Variants in SYT1 observed in about 807,000 individuals in gnomAD.
The protein encoded by SYT1 is synaptotagmin-1.
A neutral mutation model predicts 44.8 loss-of-function variants in SYT1; 8 were observed. The ratio of observed to expected loss-of-function variants is 0.18; its 90% CI spans 0.10 to 0.32. The LOEUF is 0.32. Ranked by LOEUF, SYT1 falls within the 10% of genes least tolerant of loss-of-function variation. The probability of loss-of-function intolerance (pLI) is 1.00; values close to 1 mark genes in which losing one functional copy is unlikely to be tolerated. For synonymous variants in SYT1, 154 were observed against 188.8 expected (o/e 0.82, Z 1.51); for missense variants, 286 against 509.3 (o/e 0.56, Z 4.22).
intron 3 of SYT1, among the ~76,000 whole-genome samples, chr12:79,154,785 G>A (rs950915553): frequency 6.6e-6 from 1 of 152,090 alleles, no homozygotes; most frequent in African/African-American, 2.4e-5. Context: ...AGTTTAGAGG[G>A]AAAAGCATAT....
At chr12:79,002,195 T>G (rs11835293) in intron 2 of SYT1, among the ~76,000 whole-genome samples, 24,405 of 152,048 alleles carry the variant, frequency 0.16, 2,330 homozygotes, top group African/African-American at 0.27. Context: ...TCCTTTGCTG[T>G]TTAAAAAAAT....
chr12:79,360,602 T>G (rs1233508738), intron 9 of SYT1, among the ~76,000 whole-genome samples: 1 of 152,188 alleles, frequency 6.6e-6, no homozygotes, highest in Non-Finnish European at 1.5e-5. Context: ...TTGGCCATGA[T>G]ATCAGGGTCA....
At chr12:79,041,714 G>A (rs1208226621) in intron 2 of SYT1, among the ~76,000 whole-genome samples, 1 of 151,396 alleles carries the variant, frequency 6.6e-6, no homozygotes, top group Non-Finnish European at 1.5e-5. Context: ...GTTTTCAAAG[G>A]GAATGCTTCC....
rs530562872 is a variant in SYT1, at chr12:79,411,166, C to A, written c.929-32907C>A. Among the ~76,000 whole-genome samples the A allele has an allele frequency of 7.9e-5, 12 of 152,320 alleles. No homozygotes were observed. The East Asian group carries it at 1.2e-3, about 15-fold the overall frequency. Reference sequence around the variant, plus strand: ...TGGGGTCTTCATCTATCACAAGGAACCTAAGCTGCCGTCTTTCTCTTCTGC... The same window carrying A: ...TGGGGTCTTCATCTATCACAAGGAAACTAAGCTGCCGTCTTTCTCTTCTGC... On this transcript the variant is annotated intron_variant, in intron 9 of 10. Transcript: ENST00000261205.
chr12:78,904,148 A>C (rs1390217138), intron 1 of SYT1, among the ~76,000 whole-genome samples: 1 of 152,176 alleles, frequency 6.6e-6, no homozygotes, highest in East Asian at 1.9e-4. Flanking sequence ...GAAATGTTAC[A>C]ATTTAAAAAA....
chr12:78,903,458 T>C (rs529095037), intron 1 of SYT1, among the ~76,000 whole-genome samples: 36 of 152,032 alleles, frequency 2.4e-4, no homozygotes, highest in African/African-American at 8.2e-4. Context: ...AGCTAATTTT[T>C]GTAATTTTAG....
At chr12:79,225,450 A>G (rs182622263) in intron 4 of SYT1, among the ~76,000 whole-genome samples, 166 of 152,272 alleles carry the variant, frequency 1.1e-3, no homozygotes, top group African/African-American at 3.6e-3. Context: ...GAAACACAAA[A>G]TCTCAGTTCT....
chr12:79,317,541 G>C (rs1373333282), intron 8 of SYT1, among the ~76,000 whole-genome samples: 1 of 152,096 alleles, frequency 6.6e-6, no homozygotes, highest in Non-Finnish European at 1.5e-5. Flanking sequence ...AAAAAGAGCA[G>C]GACATTGCAC....
At chr12:79,206,560 G>T (rs957054647) in intron 3 of SYT1, among the ~76,000 whole-genome samples, 1 of 152,188 alleles carries the variant, frequency 6.6e-6, no homozygotes, top group Non-Finnish European at 1.5e-5. Flanking sequence ...AATGTATTCA[G>T]TTGAGTGTTT....
intron 9 of SYT1, among the ~76,000 whole-genome samples, chr12:79,359,954 T>C (rs1883254518): frequency 6.6e-6 from 1 of 152,086 alleles, no homozygotes; most frequent in Admixed American, 6.5e-5. Context: ...CATAACCCCA[T>C]CAAAATCACC....
At chr12:79,037,277 C>A (rs1297979877) in intron 2 of SYT1, among the ~76,000 whole-genome samples, 1 of 151,574 alleles carries the variant, frequency 6.6e-6, no homozygotes, top group East Asian at 1.9e-4. Flanking sequence ...TTAATTAATT[C>A]CCATCCTTTT....
chr12:78,923,887 A>C (rs2137172536), intron 1 of SYT1, among the ~76,000 whole-genome samples: 1 of 152,026 alleles, frequency 6.6e-6, no homozygotes, highest in Admixed American at 6.6e-5. Context: ...CTACAGACTT[A>C]ATTCAGATTT....
At chr12:79,331,861 T>C (rs1881872609) in intron 8 of SYT1, among the ~76,000 whole-genome samples, 1 of 152,128 alleles carries the variant, frequency 6.6e-6, no homozygotes, top group African/African-American at 2.4e-5. Context: ...ATGATAAAAG[T>C]TATCTGGTGA....
chr12:78,894,352 TTTTTTTTTTTTTTG>T, intron 1 of SYT1, among the ~76,000 whole-genome samples: 1 of 129,506 alleles, frequency 7.7e-6, no homozygotes, highest in African/African-American at 2.9e-5. Context: ...TTTTTTTTTT[TTTTTTTTTTTTTTG>T]TGATCACCAT....
intron 1 of SYT1, among the ~76,000 whole-genome samples, chr12:78,952,331 A>C (rs1879010034): frequency 6.6e-6 from 1 of 152,142 alleles, no homozygotes; most frequent in East Asian, 1.9e-4. Context: ...GCATTTAATC[A>C]GGCAGGGTTT....
chr12:79,367,680 T>A (rs1883602891), intron 9 of SYT1, among the ~76,000 whole-genome samples: 1 of 151,944 alleles, frequency 6.6e-6, no homozygotes, highest in African/African-American at 2.4e-5. Context: ...ATCTTGGCAT[T>A]TCAAAAAAAA....
intron 4 of SYT1, among the ~76,000 whole-genome samples, chr12:79,223,292 GA>G (rs1297201836): frequency 6.6e-6 from 1 of 152,252 alleles, no homozygotes; most frequent in Non-Finnish European, 1.5e-5. Context: ...TGTGGTGCTA[GA>G]GTGCATCAGA....
At chr12:79,421,507 T>C (rs983071712) in intron 9 of SYT1, among the ~76,000 whole-genome samples, 1 of 152,152 alleles carries the variant, frequency 6.6e-6, no homozygotes, top group African/African-American at 2.4e-5. Context: ...GGCTACACCA[T>C]CATTACTAAC....
chr12:79,035,932 CA>C (rs940388178), intron 2 of SYT1, among the ~76,000 whole-genome samples: 5 of 137,522 alleles, frequency 3.6e-5, no homozygotes, highest in African/African-American at 1.4e-4. Flanking sequence ...AATGAGAAAA[CA>C]AAACAAACAA....
Sources: gnomAD v4.1 joint callset for allele counts (sites outside exome capture counted in the v4.1 genomes callset) on GRCh38, gnomAD v4.1.1 for gene constraint, MANE v1.5 for transcripts, NCBI Gene and HGNC (gene_info 2026-07-23, HGNC 2026-07-21) for gene names.